Variants in MYH10 observed in about 807,000 individuals in gnomAD.
The protein encoded by MYH10 is myosin-10.
In MYH10, 55 loss-of-function variants were observed where a neutral mutation model predicts 257.8. The observed-to-expected ratio is 0.21, with a 90% CI of 0.17 to 0.27. The LOEUF is 0.27. MYH10 is among the 10% of genes least tolerant of loss of function. The pLI, the probability that MYH10 is intolerant of heterozygous loss-of-function variation, is 1.00. For missense variants in MYH10, 1,631 were observed against 2,500.6 expected (o/e 0.65, Z 7.42); for synonymous variants, 854 against 921.7 (o/e 0.93, Z 1.33).
At chr17:8,512,887 C>A (rs1251799632) in intron 23 of MYH10, among the ~76,000 whole-genome samples, 1 of 152,078 alleles carries the variant, frequency 6.6e-6, no homozygotes, top group Non-Finnish European at 1.5e-5. Context: ...ATATTAAATT[C>A]ATGATAGTTC....
At chr17:8,518,835 G>A in intron 20 of MYH10, 44 bp from the exon 21 acceptor site, 1 of 1,602,256 alleles carries the variant, frequency 6.2e-7, no homozygotes, top group South Asian at 1.1e-5. Context: ...CTACAAGAAA[G>A]ATTAGATTAA....
At chr17:8,622,185 C>A (rs537368824) in intron 2 of MYH10, among the ~76,000 whole-genome samples, 4 of 152,196 alleles carry the variant, frequency 2.6e-5, no homozygotes, top group Non-Finnish European at 5.9e-5. Context: ...TTCTTCAAAT[C>A]ATTGCCACCT....
rs370492979 is a variant in MYH10, at chr17:8,495,106, T to C, written c.4056+31A>G. ...TTATATATTACAGAAATGTTAGTTA[T>C]TATAAAGACCCCTTGCTCCCCAGGG... On this transcript the variant is annotated intron_variant, in intron 31 of 42. Coordinates refer to ENST00000360416, the MANE Select transcript of MYH10 (RefSeq NM_001256012.3). 2.6e-4 allele frequency: 350 copies of C among 1,324,994 alleles called. 1 individual carries two copies. In the African/African-American group the frequency reaches 4.6e-3, roughly 17 times the overall value. The allele number at this position is 1,324,994 out of a possible 1,614,324, so 82.1% of individuals were successfully genotyped here.
chr17:8,594,630 A>C (rs1467506422), intron 3 of MYH10, among the ~76,000 whole-genome samples: 1 of 152,222 alleles, frequency 6.6e-6, no homozygotes, highest in Non-Finnish European at 1.5e-5. Context: ...GCCTGTATAC[A>C]AATGTTGACC....
intron 17 of MYH10, among the ~76,000 whole-genome samples, chr17:8,523,649 G>C (rs962858037): frequency 2.0e-5 from 3 of 152,184 alleles, no homozygotes; most frequent in Admixed American, 1.3e-4. Flanking sequence ...CCTGGGGAAG[G>C]GGGAGGGAGA....
intron 6 of MYH10, among the ~76,000 whole-genome samples, chr17:8,574,275 G>C (rs1217277046): frequency 6.6e-6 from 1 of 152,098 alleles, no homozygotes; most frequent in African/African-American, 2.4e-5. Flanking sequence ...AGAAAGAACC[G>C]TCAGGGAGGA....
At chr17:8,482,884 G>A (rs1329107679) in intron 37 of MYH10, among the ~76,000 whole-genome samples, 1 of 152,192 alleles carries the variant, frequency 6.6e-6, no homozygotes, top group African/African-American at 2.4e-5. Flanking sequence ...TGAGCATTTG[G>A]GGATCTCACC....
intron 1 of MYH10, among the ~76,000 whole-genome samples, chr17:8,629,668 G>A (rs886215083): frequency 2.0e-5 from 3 of 152,158 alleles, no homozygotes; most frequent in Non-Finnish European, 4.4e-5. Context: ...CCCAACTGCA[G>A]AAGGCAATGA....
At chr17:8,570,579 A>G (rs1461276453) in intron 6 of MYH10, among the ~76,000 whole-genome samples, 2 of 152,230 alleles carry the variant, frequency 1.3e-5, no homozygotes, top group African/African-American at 4.8e-5. Context: ...TGTTTCTGGA[A>G]TGTAATTTCA....
chr17:8,538,654 G>A (rs533291526), intron 14 of MYH10, among the ~76,000 whole-genome samples: 70 of 152,280 alleles, frequency 4.6e-4, no homozygotes, highest in Middle Eastern at 3.4e-3. Context: ...TATTTAGGCA[G>A]GGAATAAAGG....
intron 4 of MYH10, 38 bp from the exon 5 acceptor site, chr17:8,577,376 G>T: frequency 7.3e-7 from 1 of 1,363,792 alleles, no homozygotes; most frequent in Non-Finnish European, 1.0e-6. Flanking sequence ...TTTAACGAAA[G>T]CACAGCACAT....
At chr17:8,512,383 TTC>T in intron 24 of MYH10, 66 bp downstream of exon 24, 1 of 1,277,892 alleles carries the variant, frequency 7.8e-7, no homozygotes, top group African/African-American at 1.5e-5. Context: ...AACACATAAC[TTC>T]TGTTTATTCA....
At chr17:8,588,960 C>T (rs74653914) in intron 4 of MYH10, 121 bp downstream of exon 4, 54,306 of 899,316 alleles carry the variant, frequency 0.06, 2,060 homozygotes, top group Non-Finnish European at 0.077. Context: ...AAAATAACTG[C>T]GAGGTTTACA....
At chr17:8,489,746 C>CACA (rs1451899373) in intron 35 of MYH10, among the ~76,000 whole-genome samples, 3 of 149,630 alleles carry the variant, frequency 2.0e-5, no homozygotes, top group Non-Finnish European at 4.4e-5. Flanking sequence ...CACACACACA[C>CACA]CCCAAATCCA....
At chr17:8,533,620 T>C (rs1043079794) in intron 16 of MYH10, among the ~76,000 whole-genome samples, 5 of 152,216 alleles carry the variant, frequency 3.3e-5, no homozygotes, top group Non-Finnish European at 7.3e-5. Flanking sequence ...TTTCATTGTT[T>C]AATCAACAAA....
At chr17:8,505,167 A>G (rs933810158) in intron 27 of MYH10, among the ~76,000 whole-genome samples, 1 of 152,160 alleles carries the variant, frequency 6.6e-6, no homozygotes, top group Non-Finnish European at 1.5e-5. Flanking sequence ...CCAAACGACC[A>G]TGCTTCTCCA....
Position 8,545,687 on chromosome 17 carries a change from G to A in MYH10, c.1279-87C>T. The A allele has an allele frequency of 7.2e-7, 1 of 1,389,702 alleles. No homozygotes were observed. The highest frequency in any genetic ancestry group is 9.7e-7 in the Non-Finnish European group (1 of 1,028,504). The allele number at this position is 1,389,702 out of a possible 1,614,324, so 86.1% of individuals were successfully genotyped here. A position where few individuals can be genotyped will look rare whatever the true frequency, so the allele number is the denominator to read the frequency against. ...GTTTTACGGAATTTAATGTTATACA[G>A]CACTCAAAAAACCTGAGATGGCATT... On this transcript the variant is annotated intron_variant, in intron 12 of 42. Coordinates refer to ENST00000360416, the MANE Select transcript of MYH10 (RefSeq NM_001256012.3). The surrounding 1 kb of genome is among the most constrained non-coding windows in gnomAD (Gnocchi z 4.7).
intron 14 of MYH10, among the ~76,000 whole-genome samples, chr17:8,538,434 T>C (rs1035616564): frequency 3.3e-5 from 5 of 152,240 alleles, no homozygotes; most frequent in African/African-American, 1.2e-4. Context: ...GGTCTCGAAC[T>C]CCTGACCTCA....
chr17:8,567,627 T>G (rs1334632020), intron 7 of MYH10, among the ~76,000 whole-genome samples: 9 of 152,032 alleles, frequency 5.9e-5, no homozygotes, highest in Admixed American at 5.2e-4. Context: ...GGTGTCCTCA[T>G]AAGAAGAGAT....
Sources: allele counts gnomAD v4.1 joint callset (sites outside exome capture counted in the v4.1 genomes callset), GRCh38; gene constraint gnomAD v4.1.1; non-coding constraint Gnocchi (gnomAD v3.1); transcripts MANE v1.5; gene names NCBI Gene and HGNC (gene_info 2026-07-23, HGNC 2026-07-21).